Variants in NIPSNAP3A observed in about 807,000 individuals in gnomAD.
NIPSNAP3A encodes the protein protein NipSnap homolog 3A.
A neutral mutation model predicts 32.3 loss-of-function variants in NIPSNAP3A; 27 were observed. That is an observed-to-expected ratio of 0.84 (90% CI 0.62 to 1.15). NIPSNAP3A has a LOEUF of 1.15. Ranked by LOEUF, NIPSNAP3A falls within the 50% of genes most tolerant of loss-of-function variation. NIPSNAP3A has a pLI of 0.00. For missense variants in NIPSNAP3A, 278 were observed against 297.2 expected, an observed-to-expected ratio of 0.94 and a Z score of 0.48; for synonymous variants, 108 against 107.3, an observed-to-expected ratio of 1.01 and a Z score of -0.04.
chr9:104,754,454 A>G, intron 3 of NIPSNAP3A, 97 bp from the exon 4 acceptor site: 1 of 1,012,936 alleles, frequency 9.9e-7, no homozygotes, highest in Non-Finnish European at 1.5e-6. Flanking sequence ...TGATCCTCCA[A>G]ATCTGTGTGT....
intron 1 of NIPSNAP3A, among the ~76,000 whole-genome samples, chr9:104,748,160 C>G (rs3753025): frequency 0.11 from 17,060 of 152,188 alleles, 1,211 homozygotes; most frequent in East Asian, 0.26. Context: ...CCGGCTGTTT[C>G]GTTTTTGCTG....
At position 104,750,976 on chromosome 9, in the gene NIPSNAP3A, G is replaced by A. The variant is rs568624838; in HGVS notation, c.81G>A (p.Thr27=). Residue 27 remains threonine, a synonymous_variant, in exon 2 of 6, where the codon ACG becomes ACA. Transcript: ENST00000374767. ...TTCAGATGTGCTCATCTTTTGCTAC[G>A]GGACCCAGACAATACGATGGAATAT... ...LAPQMCSSFA[T]GPRQYDGIFY... is the part of the protein sequence containing the mutation. The A allele has an allele frequency of 1.6e-5, 26 of 1,613,262 alleles. No individual in the cohort carries two copies. The Middle Eastern group carries it at 5.0e-4, about 31-fold the overall frequency.
intron 2 of NIPSNAP3A, among the ~76,000 whole-genome samples, chr9:104,751,814 A>C (rs1241991940): frequency 1.3e-5 from 2 of 152,146 alleles, no homozygotes; most frequent in Admixed American, 1.3e-4. Context: ...AATGAAAGAG[A>C]GTTCTTCCCG....
In NIPSNAP3A at chr9:104,747,796, C is replaced by T; in HGVS notation, c.4C>T (p.Leu2Phe). ...TTCTCAGCGCCGAAGCCGCGCCATG[C>T]TCGTCCTCAGAAGCGCCCTGACTCG... The part of the protein sequence containing the change: M[L>F]VLRSALTRAL... Residue 2 changes from leucine (L) to phenylalanine (F), a missense_variant, in exon 1 of 6, where the codon CTC becomes TTC. Physicochemically the swap from Leu to Phe is conservative, Grantham distance 22 (BLOSUM62 0). Coordinates refer to ENST00000374767, the MANE Select transcript of NIPSNAP3A (RefSeq NM_015469.3). 2 of 1,608,728 alleles carry T rather than the reference C, an allele frequency of 1.2e-6. No homozygotes were observed. The highest frequency in any genetic ancestry group is 1.7e-6 in the Non-Finnish European group (2 of 1,178,846).
chr9:104,750,352 TA>T (rs1827832851), intron 1 of NIPSNAP3A, among the ~76,000 whole-genome samples: 1 of 152,304 alleles, frequency 6.6e-6, no homozygotes, highest in East Asian at 1.9e-4. Flanking sequence ...GAACCCCCAC[TA>T]GGAAACAGTA....
chr9:104,752,535 T>C (rs1827858768), intron 2 of NIPSNAP3A, among the ~76,000 whole-genome samples: 1 of 152,208 alleles, frequency 6.6e-6, no homozygotes, highest in South Asian at 2.1e-4. Context: ...CGCTATATTC[T>C]AAACTCTTTT....
chr9:104,759,881 A>G lies in NIPSNAP3A; in HGVS notation c.*543A>G, dbSNP rs1470224880. Reference sequence around the variant, plus strand: ...ATTTGTGACATCATCTATATTAAATATGGTTTTCACATTAGTTATTTGTCA... The same window carrying G: ...ATTTGTGACATCATCTATATTAAATGTGGTTTTCACATTAGTTATTTGTCA... On this transcript the variant is annotated 3_prime_UTR_variant, in exon 6 of 6. Transcript: ENST00000374767. The G allele has an allele frequency of 6.5e-6, 1 of 153,044 alleles. No homozygotes were observed. The highest frequency in any genetic ancestry group is 1.5e-5 in the Non-Finnish European group (1 of 68,610). 9.5% of individuals were successfully genotyped at this position (153,044 alleles called of 1,614,324 possible). A position where few individuals can be genotyped will look rare whatever the true frequency, so the allele number is the denominator to read the frequency against.
intron 4 of NIPSNAP3A, among the ~76,000 whole-genome samples, chr9:104,757,166 A>G (rs112504031): frequency 2.6e-3 from 403 of 152,308 alleles, no homozygotes; most frequent in African/African-American, 9.2e-3. Flanking sequence ...GTGTGTTCAT[A>G]CACTTTTTAA....
Position 104,754,601 on chromosome 9 carries a change from T to A in NIPSNAP3A, c.481T>A (p.Trp161Arg), listed in dbSNP as rs779772689. ...GATGAAACCTGGTGGGCCAGCTCTG[T>A]GGGGTGATGCATTTAAAAGGGCAGT... The part of the protein sequence containing the change: ...FQMKPGGPAL[W>R]GDAFKRAVHA... The change falls in exon 4 of 6, where the codon TGG becomes AGG. Residue 161 changes from tryptophan to arginine, a missense_variant. Trp to Arg is a moderately radical substitution (Grantham distance 101, BLOSUM62 -3). Coordinates refer to ENST00000374767, the MANE Select transcript of NIPSNAP3A (RefSeq NM_015469.3). 1 of 1,614,026 alleles carries A rather than the reference T, an allele frequency of 6.2e-7. No homozygotes were observed. Among genetic ancestry groups the A allele is most frequent in the Non-Finnish European group, 8.5e-7 (1 of 1,179,910 alleles).
intron 3 of NIPSNAP3A, chr9:104,754,315 GTTCTTT>G (rs1827880179): frequency 2.5e-6 from 1 of 404,524 alleles, no homozygotes; most frequent in Non-Finnish European, 4.4e-6. Flanking sequence ...ATAGCTTCCA[GTTCTTT>G]TTCTTTGTCA....
intron 1 of NIPSNAP3A, among the ~76,000 whole-genome samples, chr9:104,749,127 A>C (rs1827816147): frequency 6.6e-6 from 1 of 152,130 alleles, no homozygotes; most frequent in South Asian, 2.1e-4. Flanking sequence ...TCCAAATACA[A>C]ATTCCTCGAA....
intron 3 of NIPSNAP3A, chr9:104,754,145 A>G (rs1329817985): frequency 6.4e-6 from 1 of 157,016 alleles, no homozygotes; most frequent in African/African-American, 2.4e-5. Flanking sequence ...AACATAGTGG[A>G]AATTGGAAAG....
At chr9:104,750,845 C>A in intron 1 of NIPSNAP3A, 111 bp from the exon 2 acceptor site, 1 of 852,608 alleles carries the variant, frequency 1.2e-6, no homozygotes, top group Non-Finnish European at 2.0e-6. Flanking sequence ...GAAGTACAAA[C>A]ATGAGTAATG....
rs769048133 is a variant in NIPSNAP3A, at chr9:104,747,826, C to T, written c.34C>T (p.Leu12=). The change falls in exon 1 of 6, where the codon CTG becomes TTG. Residue 12 remains leucine, a synonymous_variant. Coordinates refer to ENST00000374767, the MANE Select transcript of NIPSNAP3A (RefSeq NM_015469.3). Reference sequence around the variant, plus strand: ...CCTCAGAAGCGCCCTGACTCGGGCGCTGGCCTCACGGACGCTGGCGCCTCA... The same window carrying T: ...CCTCAGAAGCGCCCTGACTCGGGCGTTGGCCTCACGGACGCTGGCGCCTCA... ...LVLRSALTRA[L]ASRTLAPQMC... is the part of the protein sequence containing the mutation. 2 of 1,608,876 alleles carry T rather than the reference C, an allele frequency of 1.2e-6. No homozygotes were observed. The highest frequency in any genetic ancestry group is 1.3e-5 in the African/African-American group (1 of 74,972).
chr9:104,751,247 A>C (rs1827845632), intron 2 of NIPSNAP3A, 81 bp downstream of exon 2: 2 of 1,242,768 alleles, frequency 1.6e-6, no homozygotes, highest in African/African-American at 1.5e-5. Flanking sequence ...ATGTAACATA[A>C]AACTTAGTTC....
chr9:104,754,457 C>G (rs1359784778), intron 3 of NIPSNAP3A, 94 bp from the exon 4 acceptor site: 4 of 1,020,346 alleles, frequency 3.9e-6, no homozygotes, highest in Admixed American at 1.9e-5. Flanking sequence ...TCCTCCAAAT[C>G]TGTGTGTGTA....
chr9:104,754,302 A>T (rs1196534858), intron 3 of NIPSNAP3A: 2 of 366,396 alleles, frequency 5.5e-6, no homozygotes, highest in African/African-American at 4.1e-5. Flanking sequence ...GATAATAGTT[A>T]TAATAGCTTC....
intron 1 of NIPSNAP3A, among the ~76,000 whole-genome samples, chr9:104,748,501 T>A (rs898969058): frequency 2.6e-5 from 4 of 152,148 alleles, no homozygotes; most frequent in African/African-American, 9.7e-5. Context: ...ACAGACAGAC[T>A]CTTTTAACCT....
chr9:104,755,845 G>A (rs937258815), intron 4 of NIPSNAP3A, among the ~76,000 whole-genome samples: 3 of 151,816 alleles, frequency 2.0e-5, no homozygotes, highest in African/African-American at 7.3e-5. Context: ...CTTGAGCCAG[G>A]AGTTCAAGGC....
Sources: gnomAD v4.1 joint callset for allele counts (sites outside exome capture counted in the v4.1 genomes callset) on GRCh38, gnomAD v4.1.1 for gene constraint, MANE v1.5 for transcripts, NCBI Gene and HGNC (gene_info 2026-07-23, HGNC 2026-07-21) for gene names.